The following ZNF443 variants were observed in gnomAD, a reference collection of about 807,000 sequenced individuals.
ZNF443 encodes the protein zinc finger protein 443.
Under a neutral mutation model 12.0 loss-of-function variants are expected in ZNF443, and 3 were observed. The ratio of observed to expected loss-of-function variants is 0.25; its 90% CI spans 0.11 to 0.64. ZNF443 has a LOEUF of 0.64. Ranked by LOEUF, ZNF443 falls within the 30% of genes least tolerant of loss-of-function variation. ZNF443 has a pLI of 0.84. For synonymous variants in ZNF443, 225 were observed against 265.9 expected, an observed-to-expected ratio of 0.85 and a Z score of 1.50; for missense variants, 770 against 808.8, an observed-to-expected ratio of 0.95 and a Z score of 0.58.
In ZNF443 at chr19:12,431,510, C is replaced by A; in HGVS notation, c.662G>T (p.Gly221Val). The A allele has an allele frequency of 6.2e-7, 1 of 1,614,126 alleles. No homozygotes were observed. Among genetic ancestry groups the A allele is most frequent in the Non-Finnish European group, 8.5e-7 (1 of 1,179,978 alleles). Residue 221 changes from glycine to valine, a missense_variant, in exon 4 of 4, where the codon GGA (glycine) becomes GTA (valine). Coordinates refer to ENST00000301547, the MANE Select transcript of ZNF443 (RefSeq NM_005815.5). Reference sequence around the variant, plus strand: ...CTGCTTACATTCATATGGTTTCTCTCCAGTGTGCGTTCTTTCATGCATATG... The same window carrying A: ...CTGCTTACATTCATATGGTTTCTCTACAGTGTGCGTTCTTTCATGCATATG... ...LLHMHERTHT[G>V]EKPYECKQCS...
rs66708907 is a variant in ZNF443, at chr19:12,429,764, C to G, written c.*392G>C. Reference sequence around the variant, plus strand: ...GCTGACTACACTATGTTGATAGGCTCACAATTACTGCATCTATACTGAAAA... The same window carrying G: ...GCTGACTACACTATGTTGATAGGCTGACAATTACTGCATCTATACTGAAAA... On this transcript the variant is annotated 3_prime_UTR_variant, in exon 4 of 4. Transcript: ENST00000301547. 103,255 of 250,076 alleles carry G rather than the reference C, an allele frequency of 0.41. 24,151 individuals are homozygous for G. Among genetic ancestry groups the G allele is most frequent in the Non-Finnish European group, 0.51 (66,039 of 129,810 alleles). 15.5% of individuals were successfully genotyped at this position (250,076 alleles called of 1,614,324 possible). A position where few individuals can be genotyped will look rare whatever the true frequency, so the allele number is the denominator to read the frequency against.
At chr19:12,433,841 A>G (rs1468533919) in intron 1 of ZNF443, among the ~76,000 whole-genome samples, 2 of 64,834 alleles carry the variant, frequency 3.1e-5, no homozygotes, top group Admixed American at 1.5e-4. Flanking sequence ...AAGTGGCAGA[A>G]AAAAAAAAAA....
At position 12,430,425 on chromosome 19, in the gene ZNF443, T is replaced by C; in HGVS notation, c.1747A>G (p.Met583Val). 6.4e-7 allele frequency: 1 copy of C among 1,573,722 alleles called. No individual in the cohort carries two copies. Among genetic ancestry groups the C allele is most frequent in the Non-Finnish European group, 8.6e-7 (1 of 1,159,154 alleles). Residue 583 changes from methionine to valine, a missense_variant, in exon 4 of 4, where the codon ATG (methionine) becomes GTG (valine). Around this residue, in one of 3 missense-constraint regions of ZNF443, gnomAD observed 736 missense variants for 689.4 expected, o/e 1.07. Coordinates refer to ENST00000301547, the MANE Select transcript of ZNF443 (RefSeq NM_005815.5). ...TCFLRHERIH[M>V]REKSYECPQC... ...GGACATTCATAGGATTTCTCTCTCA[T>C]GTGAATTCTTTCATGTCGTAGAAAG...
In ZNF443 at chr19:12,430,871, C is replaced by A. The variant is rs149800676; in HGVS notation, c.1301G>T (p.Ser434Ile). Residue 434 changes from serine to isoleucine, a missense_variant, in exon 4 of 4, where the codon AGT becomes ATT. Transcript: ENST00000301547. ...AGTCCTTTCATGTCTTTGAAATACA[C>A]TGGGATAAACAAAGGCTTTCCCACA... ...KVCGKAFVYP[S>I]VFQRHERTHT... is the part of the protein sequence containing the mutation. The A allele has an allele frequency of 3.1e-6, 5 of 1,614,108 alleles. No individual in the cohort carries two copies. In the East Asian group the frequency reaches 8.9e-5, roughly 29 times the overall value.
At position 12,430,396 on chromosome 19, in the gene ZNF443, T is replaced by C. The variant is rs762280474; in HGVS notation, c.1776A>G (p.Gln592=). ...GGGAATGAGTGAAGGCTTTACCACA[T>C]TGTGGACATTCATAGGATTTCTCTC... ...HMREKSYECP[Q]CGKAFTHSRF... is the part of the protein sequence containing the mutation. The change falls in exon 4 of 4, where the codon CAA becomes CAG. Residue 592 remains glutamine (Q), a synonymous_variant. Coordinates refer to ENST00000301547, the MANE Select transcript of ZNF443 (RefSeq NM_005815.5). The C allele has an allele frequency of 4.4e-6, 7 of 1,573,630 alleles. No individual in the cohort carries two copies. Among genetic ancestry groups the C allele is most frequent in the Admixed American group, 3.6e-5 (2 of 56,114 alleles).
chr19:12,434,975 A>G (rs1349593672), intron 1 of ZNF443, among the ~76,000 whole-genome samples: 2 of 110,722 alleles, frequency 1.8e-5, no homozygotes, highest in African/African-American at 7.3e-5. Context: ...TTTTTTTGAG[A>G]CAGAGCCTTG....
intron 1 of ZNF443, among the ~76,000 whole-genome samples, chr19:12,438,601 T>C (rs1278718611): frequency 1.3e-5 from 2 of 152,178 alleles, no homozygotes; most frequent in Non-Finnish European, 2.9e-5. Flanking sequence ...ATGTATTCCT[T>C]TTTTGCAGCC....
rs760705024 is a variant in ZNF443, at chr19:12,430,635, A to C, written c.1537T>G (p.Phe513Val). Residue 513 changes from phenylalanine to valine, a missense_variant, in exon 4 of 4, where the codon TTC becomes GTC. By Grantham distance (50) the Phe-to-Val change is conservative (BLOSUM62 -1). This residue lies in a region of ZNF443 where 736 missense variants were observed against 689.4 expected (regional missense o/e 1.07). Transcript: ENST00000301547. Reference protein sequence around the residue: ...PYECKECGKAFSRFRYLSRHK... With the variant: ...PYECKECGKAVSRFRYLSRHK... The stretch of plus-strand genomic sequence containing the variant: ...CGAGAAAGGTATCTGAAACGACTGA[A>C]TGCTTTCCCACATTCCTTACACTCA... The C allele has an allele frequency of 7.4e-6, 12 of 1,613,892 alleles. No individual in the cohort carries two copies. The highest frequency in any genetic ancestry group is 6.8e-6 in the Non-Finnish European group (8 of 1,179,956).
intron 1 of ZNF443, among the ~76,000 whole-genome samples, chr19:12,433,864 A>T (rs995725877): frequency 1.3e-5 from 2 of 151,916 alleles, no homozygotes; most frequent in Non-Finnish European, 2.9e-5. Flanking sequence ...AGAAAAAAAA[A>T]GTGGGGGCTT....
At chr19:12,439,089 C>A (rs1259062853) in intron 1 of ZNF443, among the ~76,000 whole-genome samples, 1 of 152,046 alleles carries the variant, frequency 6.6e-6, no homozygotes, top group Admixed American at 6.5e-5. Context: ...TCCTAGGAGA[C>A]ACTCACCACC....
At chr19:12,437,895 C>A (rs1970329484) in intron 1 of ZNF443, among the ~76,000 whole-genome samples, 1 of 150,984 alleles carries the variant, frequency 6.6e-6, no homozygotes, top group South Asian at 2.1e-4. Context: ...AGTTCAAGAC[C>A]AGCCTGGCCA....
rs1599620083 is a variant in ZNF443, at chr19:12,430,991, T to C, written c.1181A>G (p.Glu394Gly). ...ERTHTGEKPY[E>G]CKQCGKALSH... ...TAATGCTTTCCCACACTGCTTGCATTCATAGGGTTTCTCTCCAGTGTGAGT... is the reference window on the plus strand; with the variant it reads ...TAATGCTTTCCCACACTGCTTGCATCCATAGGGTTTCTCTCCAGTGTGAGT... The change falls in exon 4 of 4, where the codon GAA (glutamate) becomes GGA (glycine). Residue 394 changes from glutamate to glycine, a missense_variant. Glu to Gly is a moderately conservative substitution (Grantham distance 98). Around this residue, in one of 3 missense-constraint regions of ZNF443, gnomAD observed 736 missense variants for 689.4 expected, o/e 1.07. Transcript: ENST00000301547. 9 of 1,613,880 alleles carry C rather than the reference T, an allele frequency of 5.6e-6. No individual in the cohort carries two copies. Among genetic ancestry groups the C allele is most frequent in the Non-Finnish European group, 7.6e-6 (9 of 1,179,836 alleles).
At chr19:12,433,789 A>G (rs1259665359) in intron 1 of ZNF443, among the ~76,000 whole-genome samples, 1 of 151,394 alleles carries the variant, frequency 6.6e-6, no homozygotes, top group African/African-American at 2.4e-5. Flanking sequence ...CTAGGTTTGA[A>G]TGGTTGTCCC....
At chr19:12,437,406 T>A (rs1479033932) in intron 1 of ZNF443, among the ~76,000 whole-genome samples, 7 of 95,658 alleles carry the variant, frequency 7.3e-5, no homozygotes, top group African/African-American at 1.4e-4. Flanking sequence ...AGAACCTGTC[T>A]CAAAAAAAAA....
chr19:12,430,999 T>C lies in ZNF443; in HGVS notation c.1173A>G (p.Lys391=), dbSNP rs1970246258. The C allele has an allele frequency of 6.2e-7, 1 of 1,613,692 alleles. No homozygotes were observed. The highest frequency in any genetic ancestry group is 8.5e-7 in the Non-Finnish European group (1 of 1,179,794). The change falls in exon 4 of 4, where the codon AAA becomes AAG. Residue 391 remains lysine (K), a synonymous_variant. Coordinates refer to ENST00000301547, the MANE Select transcript of ZNF443 (RefSeq NM_005815.5). ...TCCCACACTGCTTGCATTCATAGGGTTTCTCTCCAGTGTGAGTTCTTTCAT... is the reference window on the plus strand; with the variant it reads ...TCCCACACTGCTTGCATTCATAGGGCTTCTCTCCAGTGTGAGTTCTTTCAT... ...QSHERTHTGE[K]PYECKQCGKA...
At position 12,431,086 on chromosome 19, in the gene ZNF443, A is replaced by C; in HGVS notation, c.1086T>G (p.Asn362Lys). Residue 362 changes from asparagine (N) to lysine (K), a missense_variant, in exon 4 of 4, where the codon AAT (asparagine) becomes AAG (lysine). Coordinates refer to ENST00000301547, the MANE Select transcript of ZNF443 (RefSeq NM_005815.5). ...CACATATCTTACATTTATGAGGTCC[A>C]TTTCCAGTGTGCCTTATCATGTGTC... Reference protein sequence around the residue: ...FQRHMIRHTGNGPHKCKICGK... With the variant: ...FQRHMIRHTGKGPHKCKICGK... The C allele has an allele frequency of 3.1e-6, 5 of 1,613,862 alleles. No individual in the cohort carries two copies. Among genetic ancestry groups the C allele is most frequent in the Non-Finnish European group, 4.2e-6 (5 of 1,179,946 alleles).
chr19:12,437,362 T>C (rs1362150251), intron 1 of ZNF443, among the ~76,000 whole-genome samples: 2 of 150,840 alleles, frequency 1.3e-5, no homozygotes, highest in South Asian at 4.2e-4. Context: ...TAACTATGAT[T>C]GCTCCACTGC....
intron 1 of ZNF443, among the ~76,000 whole-genome samples, chr19:12,433,829 C>T (rs1970281986): frequency 7.2e-6 from 1 of 138,192 alleles, no homozygotes; most frequent in Admixed American, 7.5e-5. Flanking sequence ...TGTTAATCTC[C>T]AAAGTGGCAG....
chr19:12,431,012 T>C lies in ZNF443; in HGVS notation c.1160A>G (p.His387Arg), dbSNP rs1390882097. The C allele has an allele frequency of 6.2e-7, 1 of 1,613,992 alleles. No individual in the cohort carries two copies. The highest frequency in any genetic ancestry group is 8.5e-7 in the Non-Finnish European group (1 of 1,179,896). Residue 387 changes from histidine to arginine, a missense_variant, in exon 4 of 4, where the codon CAC (histidine) becomes CGC (arginine). Coordinates refer to ENST00000301547, the MANE Select transcript of ZNF443 (RefSeq NM_005815.5). ...PSSLQSHERT[H>R]TGEKPYECKQ... ...GCATTCATAGGGTTTCTCTCCAGTG[T>C]GAGTTCTTTCATGACTTTGCAGTGA... is the stretch of plus-strand genomic sequence containing the variant.
Sources: gnomAD v4.1 joint callset for allele counts (sites outside exome capture counted in the v4.1 genomes callset) on GRCh38, gnomAD v4.1.1 for gene constraint, gnomAD v4.1.1 regional missense constraint, MANE v1.5 for transcripts, NCBI Gene and HGNC (gene_info 2026-07-23, HGNC 2026-07-21) for gene names.